The following BANK1 variants were observed in gnomAD, a reference collection of about 807,000 sequenced individuals.
BANK1 encodes the protein B-cell scaffold protein with ankyrin repeats.
BANK1 carries 95 observed loss-of-function variants against 94.5 expected under a neutral mutation model. The observed-to-expected ratio is 1.00, with a 90% CI of 0.85 to 1.19. The LOEUF is 1.19. Among genes scored for constraint, BANK1 ranks in the 50% most tolerant of loss-of-function variants. BANK1 has a pLI of 0.00. For missense variants in BANK1, 987 were observed against 932.2 expected (o/e 1.06, Z -0.77); for synonymous variants, 334 against 308.4 (o/e 1.08, Z -0.87).
intron 7 of BANK1, among the ~76,000 whole-genome samples, chr4:102,007,081 A>ATATATTATATATATATTT (rs1726295811): frequency 6.2e-5 from 4 of 64,908 alleles, no homozygotes; most frequent in Middle Eastern, 7.6e-3. Context: ...TATATATATA[A>ATATATTATATATATATTT]ATATATATAT....
intron 7 of BANK1, among the ~76,000 whole-genome samples, chr4:101,977,690 A>G (rs1249518637): frequency 6.6e-6 from 1 of 152,134 alleles, no homozygotes; most frequent in African/African-American, 2.4e-5. Flanking sequence ...AGATTACATG[A>G]ATTACCATCC....
At chr4:102,028,402 A>T (rs1012472737) in intron 9 of BANK1, among the ~76,000 whole-genome samples, 2 of 152,240 alleles carry the variant, frequency 1.3e-5, no homozygotes, top group East Asian at 1.9e-4. Flanking sequence ...CTTAAGTTAA[A>T]CTAAATGAAA....
intron 13 of BANK1, among the ~76,000 whole-genome samples, chr4:102,068,543 C>T (rs948234704): frequency 2.0e-5 from 3 of 152,164 alleles, no homozygotes; most frequent in African/African-American, 7.2e-5. Context: ...CACAGTGGCT[C>T]TGGCCGGGTA....
chr4:102,023,542 G>A (rs2148947568), intron 8 of BANK1, among the ~76,000 whole-genome samples: 1 of 152,218 alleles, frequency 6.6e-6, no homozygotes, highest in Admixed American at 6.5e-5. Context: ...GTGTGACTGG[G>A]CTCAAGCCAG....
chr4:102,001,968 G>T lies in BANK1; in HGVS notation c.1207-19546G>T, dbSNP rs73834547. 6.2e-3 allele frequency among the ~76,000 whole-genome samples: 941 copies of T among 152,330 alleles called. 13 individuals carry two copies. The highest frequency in any genetic ancestry group is 0.057 in the East Asian group (293 of 5,184). On this transcript the variant is annotated intron_variant, in intron 7 of 16. Coordinates refer to ENST00000322953, the MANE Select transcript of BANK1 (RefSeq NM_017935.5). The stretch of plus-strand genomic sequence containing the variant: ...GATAGGAACACTGTGCTTCATTCTT[G>T]GTTCTCCAACCCATCTCTGAAGCCC...
chr4:101,924,351 T>TA (rs58956904), intron 7 of BANK1, among the ~76,000 whole-genome samples: 118,701 of 151,684 alleles, frequency 0.78, 47,567 homozygotes, highest in Non-Finnish European at 0.88. Context: ...TATTCTCAGA[T>TA]GTCACAGCCG....
Position 102,030,001 on chromosome 4 carries a change from G to A in BANK1, c.1636G>A (p.Gly546Ser). The stretch of plus-strand genomic sequence containing the variant: ...CCAAATGGAAAGAAGTCAAAACTGG[G>A]GTCATCCTGGTGTTAGACAAGAAAC... ...EGQMERSQNW[G>S]HPGVRQETGD... is the part of the protein sequence containing the mutation. The change falls in exon 10 of 17, where the codon GGT (glycine) becomes AGT (serine). Residue 546 changes from glycine to serine, a missense_variant. Gly to Ser is a moderately conservative substitution (Grantham distance 56). Coordinates refer to ENST00000322953, the MANE Select transcript of BANK1 (RefSeq NM_017935.5). The A allele has an allele frequency of 6.2e-7, 1 of 1,611,916 alleles. No individual in the cohort carries two copies. Among genetic ancestry groups the A allele is most frequent in the Non-Finnish European group, 8.5e-7 (1 of 1,179,492 alleles).
intron 1 of BANK1, among the ~76,000 whole-genome samples, chr4:101,808,556 AC>A (rs1436430445): frequency 5.9e-5 from 9 of 152,166 alleles, no homozygotes; most frequent in African/African-American, 2.2e-4. Context: ...GTGATTAATC[AC>A]TAGAGTAAAC....
chr4:101,822,345 C>G lies in BANK1; in HGVS notation c.71-7463C>G, dbSNP rs1041879471. Reference sequence around the variant, plus strand: ...CAAGATCACGCCACTGCACTCCAGCCTTAGTGAGACCTCAGAAAAAAAGAA... The same window carrying G: ...CAAGATCACGCCACTGCACTCCAGCGTTAGTGAGACCTCAGAAAAAAAGAA... On this transcript the variant is annotated intron_variant, in intron 1 of 16. Coordinates refer to ENST00000322953, the MANE Select transcript of BANK1 (RefSeq NM_017935.5). Among the ~76,000 whole-genome samples, 30 of 151,150 alleles carry G rather than the reference C, an allele frequency of 2.0e-4. 1 individual carries two copies. Among genetic ancestry groups the G allele is most frequent in the Middle Eastern group, 3.4e-3 (1 of 294 alleles).
chr4:101,886,335 G>A lies in BANK1; in HGVS notation c.904-8970G>A, dbSNP rs555010045. On this transcript the variant is annotated intron_variant, in intron 5 of 16. Coordinates refer to ENST00000322953, the MANE Select transcript of BANK1 (RefSeq NM_017935.5). The stretch of plus-strand genomic sequence containing the variant: ...GGGACTTCTGGCTGAAGCAGAAACA[G>A]CAAGGCAAAGAAGGGAAGGGCCAGA... Among the ~76,000 whole-genome samples the A allele has an allele frequency of 2.0e-5, 3 of 152,292 alleles. No homozygotes were observed. The South Asian group carries it at 6.2e-4, about 32-fold the overall frequency.
At chr4:101,927,167 A>T (rs1274657496) in intron 7 of BANK1, among the ~76,000 whole-genome samples, 1 of 151,736 alleles carries the variant, frequency 6.6e-6, no homozygotes, top group African/African-American at 2.4e-5. Context: ...GGAAACTTAC[A>T]ATCATGGCGG....
chr4:102,044,856 T>C (rs1436067804), intron 11 of BANK1, among the ~76,000 whole-genome samples: 4 of 117,310 alleles, frequency 3.4e-5, no homozygotes, highest in African/African-American at 1.0e-4. Flanking sequence ...GTTCATGTCC[T>C]TCGCCCACTT....
At chr4:101,986,341 A>G (rs1348096343) in intron 7 of BANK1, among the ~76,000 whole-genome samples, 1 of 152,000 alleles carries the variant, frequency 6.6e-6, no homozygotes, top group East Asian at 1.9e-4. Context: ...CTAGATACCA[A>G]ATGGCTCAAG....
intron 7 of BANK1, among the ~76,000 whole-genome samples, chr4:101,973,613 A>G (rs1381574759): frequency 6.6e-6 from 1 of 152,026 alleles, no homozygotes; most frequent in Non-Finnish European, 1.5e-5. Flanking sequence ...TTTTCCTCTA[A>G]TGGTGGAAAA....
intron 1 of BANK1, among the ~76,000 whole-genome samples, chr4:101,817,731 T>A (rs1396914594): frequency 6.6e-6 from 1 of 152,158 alleles, no homozygotes; most frequent in Non-Finnish European, 1.5e-5. Flanking sequence ...TACAGGGCTA[T>A]CCTGATATGC....
intron 1 of BANK1, among the ~76,000 whole-genome samples, chr4:101,791,992 C>T (rs1349156438): frequency 2.6e-5 from 4 of 152,120 alleles, no homozygotes; most frequent in Non-Finnish European, 5.9e-5. Context: ...GCAGACTTTG[C>T]TAGCATCTAT....
intron 7 of BANK1, among the ~76,000 whole-genome samples, chr4:101,985,256 A>G (rs1268767933): frequency 6.6e-6 from 1 of 152,154 alleles, no homozygotes; most frequent in Non-Finnish European, 1.5e-5. Flanking sequence ...TCAGCCTTTT[A>G]TTCTATTCAG....
At chr4:102,066,436 T>G (rs1728596505) in intron 13 of BANK1, among the ~76,000 whole-genome samples, 1 of 152,116 alleles carries the variant, frequency 6.6e-6, no homozygotes. Context: ...TTTTCTATTT[T>G]TTAGTAGAGA....
intron 11 of BANK1, among the ~76,000 whole-genome samples, chr4:102,054,067 G>C (rs962062358): frequency 2.0e-5 from 3 of 152,016 alleles, no homozygotes; most frequent in Non-Finnish European, 4.4e-5. Flanking sequence ...TCACAGAGCA[G>C]TAACAGTCAT....
Sources: allele counts gnomAD v4.1 joint callset (sites outside exome capture counted in the v4.1 genomes callset), GRCh38; gene constraint gnomAD v4.1.1; transcripts MANE v1.5; gene names NCBI Gene and HGNC (gene_info 2026-07-23, HGNC 2026-07-21).